Variants in PRKACB observed in about 807,000 individuals in gnomAD.
PRKACB encodes the protein cAMP-dependent protein kinase catalytic subunit beta.
Under a neutral mutation model 51.4 loss-of-function variants are expected in PRKACB, and 16 were observed. The ratio of observed to expected loss-of-function variants is 0.31; its 90% CI spans 0.21 to 0.47. The LOEUF (loss-of-function observed/expected upper bound fraction) is 0.47, where lower values mean the gene tolerates loss of function less well. PRKACB is among the 20% of genes least tolerant of loss of function. PRKACB has a pLI of 1.00. For missense variants in PRKACB, 309 were observed against 464.5 expected, an observed-to-expected ratio of 0.67 and a Z score of 3.08; for synonymous variants, 147 against 154.4, an observed-to-expected ratio of 0.95 and a Z score of 0.35.
At chr1:84,192,532 A>T (rs1006598736) in intron 5 of PRKACB, among the ~76,000 whole-genome samples, 1 of 152,164 alleles carries the variant, frequency 6.6e-6, no homozygotes, top group Non-Finnish European at 1.5e-5. Flanking sequence ...AAAATAGCTG[A>T]GGATTTTTGG....
intron 1 of PRKACB, among the ~76,000 whole-genome samples, chr1:84,135,733 T>C (rs1652735306): frequency 1.3e-5 from 2 of 152,052 alleles, no homozygotes; most frequent in African/African-American, 4.8e-5. Flanking sequence ...GAGTACAGTT[T>C]ATCAATTTTT....
rs1647841148 is a variant in PRKACB, at chr1:84,084,888, CTT to C, written c.46+6520_46+6521del. 2.6e-5 allele frequency among the ~76,000 whole-genome samples: 4 copies of C among 152,208 alleles called. No individual in the cohort carries two copies. In the South Asian group the frequency reaches 8.3e-4, roughly 32 times the overall value. Reference sequence around the variant, plus strand: ...ATTGGTTATTGTATGTGTGGATTGTCTTTTATCTCCCAGCCATGGGGGAAAAT... The same window carrying C: ...ATTGGTTATTGTATGTGTGGATTGTCTTATCTCCCAGCCATGGGGGAAAAT... On this transcript the variant is annotated intron_variant, in intron 1 of 8. Coordinates refer to the PRKACB transcript ENST00000370688.
At chr1:84,204,524 A>C in intron 8 of PRKACB, 1 of 1,602,214 alleles carries the variant, frequency 6.2e-7, no homozygotes, top group Non-Finnish European at 8.5e-7. Flanking sequence ...AAAAATTAAC[A>C]GACAAGGCAG....
In PRKACB at chr1:84,235,731, T is replaced by G. The variant is rs41301192; in HGVS notation, c.*426T>G. ...GCCAATATTGTTGTTGGTCAATGGCTTGAAGATAAACTTTCTAATAATTAT... is the reference window on the plus strand; with the variant it reads ...GCCAATATTGTTGTTGGTCAATGGCGTGAAGATAAACTTTCTAATAATTAT... On this transcript the variant is annotated 3_prime_UTR_variant, in exon 10 of 10. Coordinates refer to ENST00000370685, the MANE Select transcript of PRKACB (RefSeq NM_182948.4). 0.02 allele frequency: 3,019 copies of G among 153,880 alleles called. 108 individuals carry two copies. Among genetic ancestry groups the G allele is most frequent in the African/African-American group, 0.069 (2,855 of 41,602 alleles). 9.5% of individuals were successfully genotyped at this position (153,880 alleles called of 1,614,324 possible).
At chr1:84,190,800 C>T (rs1666538016) in intron 5 of PRKACB, among the ~76,000 whole-genome samples, 1 of 152,002 alleles carries the variant, frequency 6.6e-6, no homozygotes. Flanking sequence ...TAATGCCCTT[C>T]TTTGTCTTTC....
At chr1:84,146,782 T>C (rs376872228) in intron 1 of PRKACB, among the ~76,000 whole-genome samples, 1 of 152,128 alleles carries the variant, frequency 6.6e-6, no homozygotes, top group African/African-American at 2.4e-5. Context: ...AATCCAAGTT[T>C]CTTTCGTGTC....
intron 1 of PRKACB, among the ~76,000 whole-genome samples, chr1:84,157,601 G>A (rs1655663078): frequency 2.0e-5 from 3 of 151,932 alleles, no homozygotes; most frequent in Admixed American, 2.0e-4. Context: ...TCTGCTTTCT[G>A]TCTCTATAGA....
chr1:84,197,669 A>C (rs1668586760), intron 6 of PRKACB, 60 bp from the exon 7 acceptor site: 2 of 1,130,994 alleles, frequency 1.8e-6, no homozygotes, highest in Non-Finnish European at 2.5e-6. Context: ...ACGTAGGTGC[A>C]ATAAATACAT....
rs759100084 is a variant in PRKACB at position 84,179,244 on chromosome 1, G to T, written c.249+6G>T. The T allele has an allele frequency of 1.9e-6, 3 of 1,557,358 alleles. No homozygotes were observed. Among genetic ancestry groups the T allele is most frequent in the Non-Finnish European group, 2.6e-6 (3 of 1,154,604 alleles). On this transcript the variant is annotated splice_donor_region_variant and intron_variant, in intron 2 of 9. Coordinates refer to ENST00000370685, the MANE Select transcript of PRKACB (RefSeq NM_182948.4). ...AATGGGAGAATCCAACTCAGGTAAG[G>T]AATATTTAGATTTTTCTAAAATTAA...
chr1:84,099,684 T>C (rs1456576931), intron 1 of PRKACB, among the ~76,000 whole-genome samples: 1 of 152,064 alleles, frequency 6.6e-6, no homozygotes, highest in Non-Finnish European at 1.5e-5. Context: ...AAGTAAAAAA[T>C]ATTCTCAAAG....
At chr1:84,114,789 A>G (rs1203291243) in intron 1 of PRKACB, among the ~76,000 whole-genome samples, 1 of 152,036 alleles carries the variant, frequency 6.6e-6, no homozygotes, top group Non-Finnish European at 1.5e-5. Context: ...AACATGTGAT[A>G]TTTGTCTTTT....
chr1:84,100,600 C>G (rs1264835107), intron 1 of PRKACB, among the ~76,000 whole-genome samples: 3 of 152,108 alleles, frequency 2.0e-5, no homozygotes, highest in African/African-American at 7.2e-5. Context: ...AGGCCCTCTG[C>G]TCATAAGCAC....
intron 9 of PRKACB, among the ~76,000 whole-genome samples, chr1:84,224,728 G>A (rs1450327502): frequency 2.0e-5 from 3 of 152,208 alleles, no homozygotes; most frequent in Non-Finnish European, 4.4e-5. Flanking sequence ...ATGTGTTTGA[G>A]TGCAGGCAGT....
At chr1:84,169,434 C>T (rs1658650345) in intron 1 of PRKACB, among the ~76,000 whole-genome samples, 1 of 151,504 alleles carries the variant, frequency 6.6e-6, no homozygotes. Context: ...ATAAACCTGG[C>T]ATTTTTAGAA....
intron 9 of PRKACB, among the ~76,000 whole-genome samples, chr1:84,233,050 A>C (rs1676008175): frequency 6.6e-6 from 1 of 151,328 alleles, no homozygotes; most frequent in South Asian, 2.1e-4. Flanking sequence ...AGCAACTGGT[A>C]CCGGTTGTTC....
chr1:84,152,117 CT>C (rs764206580), intron 1 of PRKACB, among the ~76,000 whole-genome samples: 9 of 152,292 alleles, frequency 5.9e-5, no homozygotes, highest in East Asian at 3.9e-4. Flanking sequence ...CGTTCATCTC[CT>C]TGTACATCGA....
chr1:84,172,686 T>G (rs1659931084), intron 1 of PRKACB, among the ~76,000 whole-genome samples: 1 of 148,240 alleles, frequency 6.7e-6, no homozygotes, highest in South Asian at 2.1e-4. Flanking sequence ...AAAACTATAG[T>G]AAAAATTTTT....
At chr1:84,229,020 C>T (rs189508560) in intron 9 of PRKACB, among the ~76,000 whole-genome samples, 2,779 of 148,328 alleles carry the variant, frequency 0.019, 94 homozygotes, top group African/African-American at 0.066. Context: ...CATGCTGGTG[C>T]GCTGCACCCA....
chr1:84,147,237 A>G (rs1654225822), intron 1 of PRKACB, among the ~76,000 whole-genome samples: 1 of 152,032 alleles, frequency 6.6e-6, no homozygotes, highest in African/African-American at 2.4e-5. Context: ...TTAGATTTAA[A>G]TATATTAAAC....
Sources: gnomAD v4.1 joint callset for allele counts (sites outside exome capture counted in the v4.1 genomes callset) on GRCh38, gnomAD v4.1.1 for gene constraint, MANE v1.5 for transcripts, NCBI Gene and HGNC (gene_info 2026-07-23, HGNC 2026-07-21) for gene names.